NRIP1: variants seen among roughly 807,000 people sequenced by gnomAD.
NRIP1 encodes the protein nuclear receptor-interacting protein 1.
In NRIP1, 28 loss-of-function variants were observed where a neutral mutation model predicts 75.0. The ratio of observed to expected loss-of-function variants is 0.37; its 90% CI spans 0.28 to 0.51. The LOEUF (loss-of-function observed/expected upper bound fraction) is 0.51, where lower values mean the gene tolerates loss of function less well. Ranked by LOEUF, NRIP1 falls within the 20% of genes least tolerant of loss-of-function variation. The pLI, the probability that NRIP1 is intolerant of heterozygous loss-of-function variation, is 0.92. For synonymous variants in NRIP1, 526 were observed against 487.6 expected (o/e 1.08, Z -1.04); for missense variants, 1,435 against 1,343.7 (o/e 1.07, Z -1.06).
At chr21:15,048,851 A>G (rs545880379) in intron 1 of NRIP1, among the ~76,000 whole-genome samples, 6 of 152,232 alleles carry the variant, frequency 3.9e-5, no homozygotes, top group Non-Finnish European at 8.8e-5. Context: ...CCAAGGAGAA[A>G]TGATCCACTT....
At chr21:15,016,522 T>C (rs1323245635) in intron 2 of NRIP1, among the ~76,000 whole-genome samples, 1 of 152,152 alleles carries the variant, frequency 6.6e-6, no homozygotes, top group Non-Finnish European at 1.5e-5. Context: ...CAATTACCTT[T>C]TTTCCTTCTT....
At chr21:15,045,590 A>G (rs1568728332) in intron 1 of NRIP1, among the ~76,000 whole-genome samples, 1 of 152,216 alleles carries the variant, frequency 6.6e-6, no homozygotes, top group African/African-American at 2.4e-5. Flanking sequence ...TGGTTGCTGA[A>G]GGTTGGGGTC....
chr21:14,997,166 T>G (rs1450947437), intron 3 of NRIP1, among the ~76,000 whole-genome samples: 1 of 152,020 alleles, frequency 6.6e-6, no homozygotes, highest in East Asian at 1.9e-4. Flanking sequence ...TTTTTACAAT[T>G]AAAGGGAGAA....
At chr21:15,037,233 A>C (rs1322725649) in intron 2 of NRIP1, among the ~76,000 whole-genome samples, 1 of 152,216 alleles carries the variant, frequency 6.6e-6, no homozygotes, top group Non-Finnish European at 1.5e-5. Flanking sequence ...GTAAATTTCT[A>C]ACACACATGA....
chr21:15,060,333 T>C (rs2089397867), intron 1 of NRIP1, among the ~76,000 whole-genome samples: 1 of 152,180 alleles, frequency 6.6e-6, no homozygotes. Flanking sequence ...ATCCATATAA[T>C]AGTTTGCAAA....
At chr21:15,008,863 A>G (rs188756707) in intron 3 of NRIP1, among the ~76,000 whole-genome samples, 2 of 152,300 alleles carry the variant, frequency 1.3e-5, no homozygotes, top group East Asian at 1.9e-4. Context: ...TCATTCCTTC[A>G]TAAGTGTACA....
intron 2 of NRIP1, among the ~76,000 whole-genome samples, chr21:15,028,486 T>C (rs1440373564): frequency 6.6e-6 from 1 of 152,184 alleles, no homozygotes; most frequent in South Asian, 2.1e-4. Context: ...TAAAACTACA[T>C]CCACACCATT....
chr21:15,064,554 C>A (rs1172422142), intron 1 of NRIP1, among the ~76,000 whole-genome samples, 191 bp downstream of exon 1: 2 of 151,614 alleles, frequency 1.3e-5, no homozygotes, highest in Non-Finnish European at 2.9e-5. Context: ...GCCCCGGCCC[C>A]CCGCGAGAAC....
chr21:15,055,699 T>C (rs1043039800), intron 1 of NRIP1, among the ~76,000 whole-genome samples: 1 of 152,148 alleles, frequency 6.6e-6, no homozygotes, highest in African/African-American at 2.4e-5. Flanking sequence ...GAGACTGCTT[T>C]GACAAAAATA....
At chr21:14,998,124 C>G (rs1457493085) in intron 3 of NRIP1, among the ~76,000 whole-genome samples, 1 of 152,142 alleles carries the variant, frequency 6.6e-6, no homozygotes, top group African/African-American at 2.4e-5. Context: ...TCTCTAGTTC[C>G]TTGTTCATTT....
At chr21:15,002,394 G>A (rs2087869518) in intron 3 of NRIP1, 1 of 152,144 alleles carries the variant, frequency 6.6e-6, no homozygotes, top group Admixed American at 6.5e-5. Context: ...ACGTGTACAA[G>A]GGCACAGGAT....
intron 1 of NRIP1, among the ~76,000 whole-genome samples, chr21:15,060,075 G>T (rs1437409092): frequency 6.6e-6 from 1 of 152,132 alleles, no homozygotes; most frequent in Non-Finnish European, 1.5e-5. Flanking sequence ...TTGCAAGATA[G>T]TGTAGGGATC....
intron 2 of NRIP1, among the ~76,000 whole-genome samples, chr21:15,023,480 A>C (rs1383827527): frequency 6.6e-6 from 1 of 152,234 alleles, no homozygotes; most frequent in East Asian, 1.9e-4. Context: ...ACAGCAAAGC[A>C]TACCTAGGAA....
chr21:14,981,993 C>T (rs2087249249), intron 3 of NRIP1, among the ~76,000 whole-genome samples: 1 of 151,968 alleles, frequency 6.6e-6, no homozygotes. Flanking sequence ...GCTGGGACCA[C>T]AGGCACACAC....
chr21:14,964,812 G>A lies in NRIP1; in HGVS notation c.3381C>T (p.Ser1127=), dbSNP rs768675890. 1.2e-6 allele frequency: 2 copies of A among 1,612,718 alleles called. No individual in the cohort carries two copies. The highest frequency in any genetic ancestry group is 8.5e-7 in the Non-Finnish European group (1 of 1,179,520). ...SFFNLRSPYN[S]HMGNNASRPH... is the part of the protein sequence containing the mutation. ...GGCGAGAAGCATTATTTCCCATATGGCTATTGTAAGGGCTTCTTAAATTAA... is the reference window on the plus strand; with the variant it reads ...GGCGAGAAGCATTATTTCCCATATGACTATTGTAAGGGCTTCTTAAATTAA... The change falls in exon 4 of 4, where the codon AGC becomes AGT. Residue 1127 remains serine (S), a synonymous_variant. Transcript: ENST00000318948.
At chr21:15,018,684 C>G (rs977807595) in intron 2 of NRIP1, among the ~76,000 whole-genome samples, 1 of 152,066 alleles carries the variant, frequency 6.6e-6, no homozygotes, top group Admixed American at 6.6e-5. Context: ...TAATGTGTTA[C>G]CCCACACACA....
At chr21:15,017,310 A>T (rs1221190510) in intron 2 of NRIP1, among the ~76,000 whole-genome samples, 2 of 152,118 alleles carry the variant, frequency 1.3e-5, no homozygotes, top group Non-Finnish European at 2.9e-5. Flanking sequence ...CTCCCGACTC[A>T]ACCTCCCAAG....
rs898390522 is a variant in NRIP1, at chr21:15,014,445, C to CCT, written c.-438_-437dup. On this transcript the variant is annotated 5_prime_UTR_variant, in exon 3 of 4. Coordinates refer to ENST00000318948, the MANE Select transcript of NRIP1 (RefSeq NM_003489.4). ...CATCCGGAGTCTTCAGATTCCCTGT[C>CCT]CTCCTTCAGTCAAGTGTGCATCTTA... The CCT allele has an allele frequency of 2.5e-6, 1 of 398,292 alleles. No individual in the cohort carries two copies. Among genetic ancestry groups the CCT allele is most frequent in the Non-Finnish European group, 4.4e-6 (1 of 225,952 alleles). The allele number at this position is 398,292 out of a possible 1,614,324, so 24.7% of individuals were successfully genotyped here. A position where few individuals can be genotyped will look rare whatever the true frequency, so the allele number is the denominator to read the frequency against.
At chr21:14,982,351 T>A (rs2087260259) in intron 3 of NRIP1, among the ~76,000 whole-genome samples, 1 of 152,194 alleles carries the variant, frequency 6.6e-6, no homozygotes, top group African/African-American at 2.4e-5. Flanking sequence ...GTAAGAAGAA[T>A]AAAGAACCTT....
Sources: gnomAD v4.1 joint callset for allele counts (sites outside exome capture counted in the v4.1 genomes callset) on GRCh38, gnomAD v4.1.1 for gene constraint, MANE v1.5 for transcripts, NCBI Gene and HGNC (gene_info 2026-07-23, HGNC 2026-07-21) for gene names.